Variants in ACSM3 observed in about 807,000 individuals in gnomAD.
The protein encoded by ACSM3 is acyl-coenzyme A synthetase ACSM3, mitochondrial.
A neutral mutation model predicts 74.1 loss-of-function variants in ACSM3; 61 were observed. That is an observed-to-expected ratio of 0.82 (90% CI 0.67 to 1.02). ACSM3 has a LOEUF of 1.02. Among genes scored for constraint, ACSM3 ranks in the 50% least tolerant of loss-of-function variants. The pLI, the probability that ACSM3 is intolerant of heterozygous loss-of-function variation, is 0.00. For missense variants in ACSM3, 660 were observed against 697.0 expected (o/e 0.95, Z 0.60); for synonymous variants, 213 against 241.5 (o/e 0.88, Z 1.09).
chr16:20,683,646 CTT>C lies in ACSM3; in HGVS notation c.-190+8838_-190+8839del, dbSNP rs36182498. 1.0e-3 allele frequency among the ~76,000 whole-genome samples: 137 copies of C among 136,804 alleles called. 3 individuals carry two copies. The highest frequency in any genetic ancestry group is 1.6e-3 in the South Asian group (7 of 4,382). 89.7% of individuals were successfully genotyped at this position (136,804 alleles called of 152,430 possible). A position where few individuals can be genotyped will look rare whatever the true frequency, so the allele number is the denominator to read the frequency against. On this transcript the variant is annotated intron_variant, in intron 1 of 3. Coordinates refer to the ACSM3 transcript ENST00000561584. Reference sequence around the variant, plus strand: ...TTAGCCCAGAGGGCTCAGCTCAAGTCTTTTTTTTTTTTTTTGAGAGTCTTGCC... The same window carrying C: ...TTAGCCCAGAGGGCTCAGCTCAAGTCTTTTTTTTTTTTTGAGAGTCTTGCC...
intron 1 of ACSM3, among the ~76,000 whole-genome samples, chr16:20,677,710 T>C (rs1312640235): frequency 6.6e-6 from 1 of 152,154 alleles, no homozygotes; most frequent in African/African-American, 2.4e-5. Flanking sequence ...GACTCAGTAG[T>C]AGAGGTGCAG....
Position 20,796,419 on chromosome 16 carries a change from A to G in ACSM3, c.1604A>G (p.Gln535Arg), listed in dbSNP as rs772904585. 6.2e-7 allele frequency: 1 copy of G among 1,613,936 alleles called. No homozygotes were observed. The highest frequency in any genetic ancestry group is 1.1e-5 in the South Asian group (1 of 91,060). The change falls in exon 13 of 14, where the codon CAA (glutamine) becomes CGA (arginine). Residue 535 changes from glutamine to arginine, a missense_variant. Gln to Arg is a conservative substitution (Grantham distance 43). Coordinates refer to ENST00000289416, the MANE Select transcript of ACSM3 (RefSeq NM_005622.4). The part of the protein sequence containing the change: ...VLNPDYKSHD[Q>R]EQLIKEIQEH... Reference sequence around the variant, plus strand: ...AATCCTGATTACAAGTCACATGATCAAGAACAACTAATAAAGGAGATTCAG... The same window carrying G: ...AATCCTGATTACAAGTCACATGATCGAGAACAACTAATAAAGGAGATTCAG...
At chr16:20,740,382 C>CA (rs1204849790) in intron 1 of ACSM3, among the ~76,000 whole-genome samples, 1 of 152,198 alleles carries the variant, frequency 6.6e-6, no homozygotes, top group African/African-American at 2.4e-5. Context: ...CCTTGGGTGA[C>CA]AGAGCAAGAC....
At chr16:20,742,021 C>G (rs1442525866) in intron 1 of ACSM3, 3 of 1,460,150 alleles carry the variant, frequency 2.1e-6, no homozygotes, top group Non-Finnish European at 1.8e-6. Flanking sequence ...TCGGTGGCTC[C>G]TCAAGCCCTT....
chr16:20,761,277 C>T (rs899658223), upstream of ACSM3, among the ~76,000 whole-genome samples: 2 of 152,168 alleles, frequency 1.3e-5, no homozygotes, highest in African/African-American at 4.8e-5. Context: ...TTCTTTGTCC[C>T]TAAAATGTAT....
intron 1 of ACSM3, among the ~76,000 whole-genome samples, chr16:20,725,984 A>C (rs1344031303): frequency 1.3e-5 from 2 of 152,068 alleles, no homozygotes; most frequent in Non-Finnish European, 2.9e-5. Context: ...CAAAAAAAAA[A>C]AGTCCCTAGA....
intron 1 of ACSM3, among the ~76,000 whole-genome samples, chr16:20,708,925 G>T: frequency 6.6e-6 from 1 of 152,172 alleles, no homozygotes; most frequent in East Asian, 1.9e-4. Flanking sequence ...CTTAAAAACA[G>T]ACATATGCAT....
chr16:20,722,130 G>A (rs2079787931), intron 1 of ACSM3: 1 of 152,288 alleles, frequency 6.6e-6, no homozygotes, highest in South Asian at 2.1e-4. Flanking sequence ...ACACATAAAT[G>A]TTGTGGGGAT....
intron 9 of ACSM3, among the ~76,000 whole-genome samples, chr16:20,787,575 A>G (rs2080501384): frequency 6.6e-6 from 1 of 152,240 alleles, no homozygotes; most frequent in African/African-American, 2.4e-5. Context: ...GATTTTAACA[A>G]GCACCCCCCA....
intron 1 of ACSM3, among the ~76,000 whole-genome samples, chr16:20,717,603 A>G (rs1200468707): frequency 6.6e-6 from 1 of 152,208 alleles, no homozygotes; most frequent in Non-Finnish European, 1.5e-5. Context: ...TCTTTTAATA[A>G]TACAAGATGT....
rs546994810 is a variant in ACSM3, at chr16:20,742,168, G to A, written c.-189-7742G>A. The A allele has an allele frequency of 3.3e-5, 24 of 722,914 alleles. No individual in the cohort carries two copies. The East Asian group carries it at 1.6e-3, about 47-fold the overall frequency. 44.8% of individuals were successfully genotyped at this position (722,914 alleles called of 1,614,324 possible). A position where few individuals can be genotyped will look rare whatever the true frequency, so the allele number is the denominator to read the frequency against. On this transcript the variant is annotated intron_variant, in intron 1 of 3. Transcript: ENST00000561584. ...AACTCAATTGAACGTGGACACAATG[G>A]TCAAGTCCCGTAACAGGTTGCATGA...
intron 1 of ACSM3, among the ~76,000 whole-genome samples, chr16:20,746,833 G>A (rs2079959829): frequency 6.6e-6 from 1 of 152,060 alleles, no homozygotes; most frequent in Admixed American, 6.6e-5. Context: ...CCAGTGCCTG[G>A]GTCCCAGTTT....
At chr16:20,750,756 A>G (rs952059907) in intron 2 of ACSM3, among the ~76,000 whole-genome samples, 6 of 151,670 alleles carry the variant, frequency 4.0e-5, no homozygotes, top group African/African-American at 1.5e-4. Context: ...TTTATTGTCC[A>G]TAGAGATTAT....
chr16:20,783,794 T>C (rs745799933), intron 7 of ACSM3, among the ~76,000 whole-genome samples: 11 of 144,546 alleles, frequency 7.6e-5, no homozygotes, highest in Non-Finnish European at 1.0e-4. Context: ...CTGATACACA[T>C]GTGTTCTCCC....
intron 1 of ACSM3, among the ~76,000 whole-genome samples, chr16:20,732,603 TC>T (rs1843642441): frequency 6.6e-6 from 1 of 152,152 alleles, no homozygotes; most frequent in Non-Finnish European, 1.5e-5. Context: ...GTCTCCACTT[TC>T]TAGAACAGTA....
chr16:20,684,243 G>A (rs573563789), intron 1 of ACSM3, among the ~76,000 whole-genome samples: 3 of 152,128 alleles, frequency 2.0e-5, no homozygotes, highest in Non-Finnish European at 2.9e-5. Flanking sequence ...TATTCAATTA[G>A]GTAAAGAATC....
chr16:20,724,952 C>T (rs1157195399), intron 1 of ACSM3, among the ~76,000 whole-genome samples: 1 of 152,206 alleles, frequency 6.6e-6, no homozygotes, highest in Non-Finnish European at 1.5e-5. Context: ...AATGGCCATA[C>T]TGCCCAAGGT....
chr16:20,687,949 G>A (rs2079582906), intron 1 of ACSM3, among the ~76,000 whole-genome samples: 1 of 152,002 alleles, frequency 6.6e-6, no homozygotes, highest in African/African-American at 2.4e-5. Flanking sequence ...GCCAGGCATA[G>A]TTGCATGCAC....
intron 1 of ACSM3, chr16:20,685,555 C>T (rs1247905382): frequency 2.7e-6 from 2 of 745,042 alleles, no homozygotes; most frequent in Non-Finnish European, 2.3e-6. Context: ...GGCGCAGTGG[C>T]TCATGCTTGT....
Sources: allele counts gnomAD v4.1 joint callset (sites outside exome capture counted in the v4.1 genomes callset), GRCh38; gene constraint gnomAD v4.1.1; transcripts MANE v1.5; gene names NCBI Gene and HGNC (gene_info 2026-07-23, HGNC 2026-07-21).